Variants in MYOF observed in about 807,000 individuals in gnomAD.
MYOF encodes the protein fer-1-like 3, myoferlin.
A neutral mutation model predicts 284.2 loss-of-function variants in MYOF; 244 were observed. The observed-to-expected ratio is 0.86, with a 90% confidence interval of 0.77 to 0.95. The LOEUF (loss-of-function observed/expected upper bound fraction) is 0.95, where lower values mean the gene tolerates loss of function less well. MYOF is among the 40% of genes least tolerant of loss of function. The pLI is 0.00. For missense variants in MYOF, 2,496 were observed against 2,560.6 expected, an observed-to-expected ratio of 0.97 and a Z score of 0.54; for synonymous variants, 904 against 919.7, an observed-to-expected ratio of 0.98 and a Z score of 0.31.
At chr10:93,357,875 C>T (rs1844883685) in intron 29 of MYOF, among the ~76,000 whole-genome samples, 1 of 152,166 alleles carries the variant, frequency 6.6e-6, no homozygotes, top group South Asian at 2.1e-4. Context: ...CAACTTGGTG[C>T]CCTCGTGTGG....
At chr10:93,388,889 T>C in intron 18 of MYOF, 141 bp downstream of exon 18, 1 of 1,133,608 alleles carries the variant, frequency 8.8e-7, no homozygotes, top group Non-Finnish European at 1.2e-6. Context: ...TGAGATGATC[T>C]CCACAGTCTT....
Position 93,406,288 on chromosome 10 carries a change from T to TTTTATATATATA in MYOF, c.730-2070_730-2069insTATATATATAAA, listed in dbSNP as rs1271223936. 2.1e-3 allele frequency among the ~76,000 whole-genome samples: 123 copies of TTTTATATATATA among 58,144 alleles called. 3 individuals carry two copies. The highest frequency in any genetic ancestry group is 3.9e-3 in the African/African-American group (102 of 25,924). The allele number at this position is 58,144 out of a possible 152,430, so 38.1% of individuals were successfully genotyped here. A position where few individuals can be genotyped will look rare whatever the true frequency, so the allele number is the denominator to read the frequency against. On this transcript the variant is annotated intron_variant, in intron 7 of 53. Transcript: ENST00000359263. ...TAGAAATTTTTTTAGTAAACCTCTT[T>TTTTATATATATA]TATATATATATATATATATATATAT...
chr10:93,465,555 A>G, intron 1 of MYOF, among the ~76,000 whole-genome samples: 1 of 4,638 alleles, frequency 2.2e-4, no homozygotes, highest in Middle Eastern at 0.1. Context: ...TTTTTTTTTG[A>G]GATGACTGGA....
intron 52 of MYOF, among the ~76,000 whole-genome samples, 171 bp downstream of exon 52, chr10:93,310,363 G>T (rs1842326449): frequency 1.3e-5 from 2 of 152,274 alleles, no homozygotes; most frequent in South Asian, 4.1e-4. Context: ...TTCCTGGAAA[G>T]GAGAATTCTT....
chr10:93,422,628 CT>C (rs2134176505), intron 5 of MYOF, among the ~76,000 whole-genome samples: 1 of 152,222 alleles, frequency 6.6e-6, no homozygotes, highest in East Asian at 1.9e-4. Flanking sequence ...GAAACCCCAA[CT>C]CTACTAAAAA....
intron 37 of MYOF, among the ~76,000 whole-genome samples, chr10:93,344,922 T>C (rs1408688200): frequency 6.6e-6 from 1 of 151,968 alleles, no homozygotes. Flanking sequence ...GATTTGGGGG[T>C]TAGAGCATGG....
intron 21 of MYOF, among the ~76,000 whole-genome samples, chr10:93,379,431 T>A (rs1846010089): frequency 6.6e-6 from 1 of 152,300 alleles, no homozygotes; most frequent in South Asian, 2.1e-4. Flanking sequence ...AAGACTAACA[T>A]TTTCCACCTT....
chr10:93,380,819 G>A (rs988369589), intron 20 of MYOF, among the ~76,000 whole-genome samples: 7 of 152,354 alleles, frequency 4.6e-5, no homozygotes, highest in African/African-American at 1.7e-4. Flanking sequence ...AAGACCAGAA[G>A]CATGATTTCC....
Position 93,351,757 on chromosome 10 carries a change from T to C in MYOF, c.3571A>G (p.Ile1191Val), listed in dbSNP as rs776797325. Residue 1191 changes from isoleucine (I) to valine (V), a missense_variant, in exon 33 of 54, where the codon ATA becomes GTA. This residue lies in a region of MYOF where 2,436 missense variants were observed against 2,480.7 expected (regional missense o/e 0.98). Coordinates refer to ENST00000359263, the MANE Select transcript of MYOF (RefSeq NM_013451.4). The part of the protein sequence containing the change: ...TLNPTWDQTI[I>V]FDEVEIYGEP... ...CCATAGATTTCAACTTCATCGAATA[T>C]AATTGTTTGGTCCCACGTGGGATTC... 4 of 1,600,614 alleles carry C rather than the reference T, an allele frequency of 2.5e-6. No individual in the cohort carries two copies. Among genetic ancestry groups the C allele is most frequent in the African/African-American group, 2.7e-5 (2 of 73,770 alleles).
At chr10:93,356,111 C>T (rs1187614464) in intron 30 of MYOF, among the ~76,000 whole-genome samples, 1 of 152,166 alleles carries the variant, frequency 6.6e-6, no homozygotes, top group Non-Finnish European at 1.5e-5. Flanking sequence ...TGCAGAAATA[C>T]AAACATAGGC....
intron 3 of MYOF, among the ~76,000 whole-genome samples, chr10:93,438,877 C>G (rs1036801518): frequency 2.0e-5 from 3 of 152,190 alleles, no homozygotes; most frequent in Non-Finnish European, 2.9e-5. Context: ...TGCGCTCCCC[C>G]CAGGAACTTC....
At chr10:93,394,756 G>C (rs1171179161) in intron 16 of MYOF, among the ~76,000 whole-genome samples, 1 of 149,446 alleles carries the variant, frequency 6.7e-6, no homozygotes, top group Admixed American at 6.7e-5. Flanking sequence ...CACTGGGCCC[G>C]GCCACCACCT....
chr10:93,323,328 G>A lies in MYOF; in HGVS notation c.5302C>T (p.Pro1768Ser), dbSNP rs776373737. 6 of 1,613,758 alleles carry A rather than the reference G, an allele frequency of 3.7e-6. No homozygotes were observed. The East Asian group carries it at 1.3e-4, about 36-fold the overall frequency. The change falls in exon 47 of 54, where the codon CCC becomes TCC. Residue 1768 changes from proline to serine, a missense_variant. Pro to Ser is a moderately conservative substitution (Grantham distance 74, BLOSUM62 -1). Around this residue, in one of 3 missense-constraint regions of MYOF, gnomAD observed 2,436 missense variants for 2,480.7 expected, o/e 0.98. Coordinates refer to ENST00000359263, the MANE Select transcript of MYOF (RefSeq NM_013451.4). Reference protein sequence around the residue: ...GKLQMWVDVFPKSLGPPGPPF... With the variant: ...GKLQMWVDVFSKSLGPPGPPF... ...GGGCCTGGTGGCCCCAAACTCTTGG[G>A]GAAAACATCCACCCACATCTGAAGT...
chr10:93,366,652 C>G (rs1421877399), intron 25 of MYOF, 97 bp from the exon 26 acceptor site: 1 of 1,065,550 alleles, frequency 9.4e-7, no homozygotes, highest in Non-Finnish European at 1.3e-6. Context: ...TTAGGCTAGA[C>G]AACTACAGAA....
At chr10:93,424,360 C>T (rs1294586169) in intron 5 of MYOF, among the ~76,000 whole-genome samples, 1 of 152,174 alleles carries the variant, frequency 6.6e-6, no homozygotes, top group Admixed American at 6.5e-5. Context: ...TCATCGGCAG[C>T]GGAGGTCTGA....
At chr10:93,332,200 G>A (rs909139450) in intron 43 of MYOF, among the ~76,000 whole-genome samples, 1 of 151,044 alleles carries the variant, frequency 6.6e-6, no homozygotes, top group Non-Finnish European at 1.5e-5. Flanking sequence ...GGGTCAGATG[G>A]TCTGAGTTCA....
chr10:93,361,599 T>C (rs962134357), intron 27 of MYOF, 42 bp from the exon 28 acceptor site: 1 of 1,602,340 alleles, frequency 6.2e-7, no homozygotes, highest in South Asian at 1.1e-5. Context: ...AGGTAAGCCA[T>C]AGTGTCAGTA....
chr10:93,333,698 T>C (rs1162212080), intron 42 of MYOF, 60 bp downstream of exon 42: 3 of 1,583,566 alleles, frequency 1.9e-6, no homozygotes, highest in Non-Finnish European at 2.6e-6. Flanking sequence ...ATGACAATTA[T>C]TGTGGCTGAT....
intron 17 of MYOF, among the ~76,000 whole-genome samples, chr10:93,391,283 A>G (rs752459580): frequency 2.6e-5 from 4 of 152,190 alleles, no homozygotes; most frequent in Non-Finnish European, 5.9e-5. Flanking sequence ...ATCTTAGTAT[A>G]GTCTCCTGGG....
Sources: gnomAD v4.1 joint callset for allele counts (sites outside exome capture counted in the v4.1 genomes callset) on GRCh38, gnomAD v4.1.1 for gene constraint, gnomAD v4.1.1 regional missense constraint, MANE v1.5 for transcripts, NCBI Gene and HGNC (gene_info 2026-07-23, HGNC 2026-07-21) for gene names.